IL3RA: variants seen among roughly 807,000 people sequenced by gnomAD.
IL3RA encodes the protein interleukin 3 receptor subunit alpha.
In IL3RA, 73 loss-of-function variants were observed where a neutral mutation model predicts 52.3. That is an observed-to-expected ratio of 1.40 (90% CI 1.16 to 1.70). The LOEUF (loss-of-function observed/expected upper bound fraction) is 1.70, where lower values mean the gene tolerates loss of function less well. Ranked by LOEUF, IL3RA falls within the 40% of genes most tolerant of loss-of-function variation. IL3RA has a pLI of 0.00. For synonymous variants in IL3RA, 260 were observed against 194.0 expected (o/e 1.34, Z -2.83); for missense variants, 664 against 504.4 (o/e 1.32, Z -3.03).
chrX:1,356,651 A>C (rs1418202683), intron 7 of IL3RA, among the ~76,000 whole-genome samples: 1 of 151,906 alleles, frequency 6.6e-6, no homozygotes, highest in African/African-American at 2.4e-5. Context: ...ACGGTCTTGT[A>C]GTTCCAGCTA....
chrX:1,344,703 G>A (rs2085651802), intron 2 of IL3RA, among the ~76,000 whole-genome samples: 3 of 150,828 alleles, frequency 2.0e-5, no homozygotes, highest in Non-Finnish European at 4.4e-5. Context: ...AACCCGGGAG[G>A]TAGAGGTTGC....
intron 10 of IL3RA, 146 bp downstream of exon 10, chrX:1,378,910 T>C: frequency 1.3e-6 from 1 of 764,582 alleles, no homozygotes; most frequent in Admixed American, 2.3e-5. Flanking sequence ...TGGCACGATC[T>C]GGGCTCACTG....
intron 2 of IL3RA, among the ~76,000 whole-genome samples, chrX:1,344,163 G>A (rs2085623292): frequency 2.0e-5 from 3 of 152,042 alleles, no homozygotes; most frequent in Non-Finnish European, 4.4e-5. Flanking sequence ...GCCAGGCTCA[G>A]TAACTCACGT....
At chrX:1,342,372 G>A (rs2085526222) in intron 2 of IL3RA, among the ~76,000 whole-genome samples, 1 of 151,816 alleles carries the variant, frequency 6.6e-6, no homozygotes, top group Non-Finnish European at 1.5e-5. Flanking sequence ...CACTATGTCG[G>A]TCAGGCTGGT....
chrX:1,345,317 T>C lies in IL3RA; in HGVS notation c.66T>C (p.Asp22=). The C allele has an allele frequency of 1.9e-6, 3 of 1,607,068 alleles. No homozygotes were observed. The highest frequency in any genetic ancestry group is 2.6e-6 in the Non-Finnish European group (3 of 1,175,872). Residue 22 remains aspartate (D), a splice_region_variant and synonymous_variant, in exon 3 of 12, where the codon GAT becomes GAC. Transcript: ENST00000331035. ...ALPCLLQTKE[D]PNPPITNLRM... Reference sequence around the variant, plus strand: ...AACTCCAACCTGTCACCGTTTTAGATCCAAACCCACCAATCACGAACCTAA... The same window carrying C: ...AACTCCAACCTGTCACCGTTTTAGACCCAAACCCACCAATCACGAACCTAA...
In IL3RA at chrX:1,341,774, C is replaced by T. The variant is rs768766086; in HGVS notation, c.9C>T (p.Leu3=). ...CCGGAGCTGCGTTCCCGATGGTCCT[C>T]CTTTGGCTCACGCTGCTCCTGATCG... MV[L]LWLTLLLIAL... The change falls in exon 2 of 12, where the codon CTC becomes CTT. Residue 3 remains leucine, a synonymous_variant. Coordinates refer to ENST00000331035, the MANE Select transcript of IL3RA (RefSeq NM_002183.4). 2 of 1,613,952 alleles carry T rather than the reference C, an allele frequency of 1.2e-6. No homozygotes were observed. Among genetic ancestry groups the T allele is most frequent in the Non-Finnish European group, 8.5e-7 (1 of 1,179,866 alleles).
intron 9 of IL3RA, 44 bp downstream of exon 9, chrX:1,365,296 GGGTGCGCGGGGT>G (rs1339772883): frequency 5.2e-6 from 7 of 1,356,350 alleles, no homozygotes; most frequent in Non-Finnish European, 7.2e-6. Context: ...GGGGTGAGCG[GGGTGCGCGGGGT>G]GAGCGGGGTG....
intron 8 of IL3RA, among the ~76,000 whole-genome samples, chrX:1,361,093 GTCTCTCTCTCCCTTCCCCTCTCTGTC>G (rs2087281748): frequency 4.3e-5 from 2 of 46,784 alleles, no homozygotes; most frequent in Non-Finnish European, 7.5e-5. Flanking sequence ...TCCCCTCTCT[GTCTCTCTCTCCCTTCCCCTCTCTGTC>G]TCTCTCTCCC....
At chrX:1,358,188 C>T in intron 7 of IL3RA, among the ~76,000 whole-genome samples, 1 of 152,104 alleles carries the variant, frequency 6.6e-6, no homozygotes, top group East Asian at 1.9e-4. Flanking sequence ...GCTGCAGCCA[C>T]AGGCAGAGTC....
intron 9 of IL3RA, among the ~76,000 whole-genome samples, chrX:1,377,813 A>G (rs2088886336): frequency 6.7e-6 from 1 of 148,590 alleles, no homozygotes; most frequent in African/African-American, 2.5e-5. Flanking sequence ...TGAATCCGGG[A>G]GGCAGAGGTT....
intron 9 of IL3RA, among the ~76,000 whole-genome samples, chrX:1,367,856 C>A (rs1182886726): frequency 6.6e-6 from 1 of 151,242 alleles, no homozygotes; most frequent in African/African-American, 2.4e-5. Flanking sequence ...CACGGAAACA[C>A]TCCTCTCCTG....
In IL3RA at chrX:1,365,253, G is replaced by C; in HGVS notation, c.874+1G>C. The stretch of plus-strand genomic sequence containing the variant: ...GCCTGGAGCACCCCCCAGCGCTTCG[G>C]TGAGTGGGCTGTGCGGGGTGCGCGG... On this transcript the variant is annotated splice_donor_variant, in intron 9 of 11. Coordinates refer to ENST00000331035, the MANE Select transcript of IL3RA (RefSeq NM_002183.4). LOFTEE classifies it high-confidence loss of function. The C allele has an allele frequency of 6.2e-7, 1 of 1,605,244 alleles. No individual in the cohort carries two copies. The highest frequency in any genetic ancestry group is 1.3e-5 in the African/African-American group (1 of 74,298).
chrX:1,366,431 A>C (rs868088484), intron 9 of IL3RA, among the ~76,000 whole-genome samples: 2 of 14,030 alleles, frequency 1.4e-4, no homozygotes, highest in East Asian at 2.0e-3. Flanking sequence ...GCGCGGGGTG[A>C]GCGGGGTGCG....
In IL3RA at chrX:1,379,419, G is replaced by C. The variant is rs56934041; in HGVS notation, c.980+655G>C. On this transcript the variant is annotated intron_variant, in intron 10 of 11. Transcript: ENST00000331035. ...GATCCCCCAGCCTCGGCCTCCCAAAGTGCTGGGATTACAGGCGTGAGCCAC... is the reference window on the plus strand; with the variant it reads ...GATCCCCCAGCCTCGGCCTCCCAAACTGCTGGGATTACAGGCGTGAGCCAC... Among the ~76,000 whole-genome samples, 1,272 of 152,268 alleles carry C rather than the reference G, an allele frequency of 8.4e-3. 14 individuals carry two copies. The highest frequency in any genetic ancestry group is 0.029 in the African/African-American group (1,186 of 41,536).
At chrX:1,338,743 G>A (rs765434789) in intron 1 of IL3RA, among the ~76,000 whole-genome samples, 11 of 152,230 alleles carry the variant, frequency 7.2e-5, no homozygotes, top group African/African-American at 2.6e-4. Flanking sequence ...GAGGAAGGAC[G>A]GGTCTTTAAT....
intron 9 of IL3RA, among the ~76,000 whole-genome samples, chrX:1,367,296 G>C (rs1603448499): frequency 5.4e-5 from 1 of 18,646 alleles, no homozygotes; most frequent in East Asian, 1.3e-3. Context: ...CGGGGTGCGC[G>C]GGGTGCGCGG....
chrX:1,340,273 G>T (rs1282628070), intron 1 of IL3RA, among the ~76,000 whole-genome samples: 1 of 151,916 alleles, frequency 6.6e-6, no homozygotes, highest in African/African-American at 2.4e-5. Flanking sequence ...ACTCCACCAC[G>T]CCTGGCTAAT....
In IL3RA at chrX:1,365,253, G is replaced by A. The variant is rs2087838448; in HGVS notation, c.874+1G>A. 2 of 1,605,142 alleles carry A rather than the reference G, an allele frequency of 1.2e-6. No individual in the cohort carries two copies. The highest frequency in any genetic ancestry group is 1.7e-6 in the Non-Finnish European group (2 of 1,174,680). On this transcript the variant is annotated splice_donor_variant, in intron 9 of 11. Coordinates refer to ENST00000331035, the MANE Select transcript of IL3RA (RefSeq NM_002183.4). LOFTEE classifies it high-confidence loss of function. ...GCCTGGAGCACCCCCCAGCGCTTCG[G>A]TGAGTGGGCTGTGCGGGGTGCGCGG...
chrX:1,359,481 C>T (rs1263560602), intron 8 of IL3RA, among the ~76,000 whole-genome samples: 1 of 150,784 alleles, frequency 6.6e-6, no homozygotes, highest in South Asian at 2.1e-4. Flanking sequence ...CCCTCTCTTT[C>T]TCTCTCTCTC....
Sources: gnomAD v4.1 joint callset for allele counts (sites outside exome capture counted in the v4.1 genomes callset) on GRCh38, gnomAD v4.1.1 for gene constraint, MANE v1.5 for transcripts, NCBI Gene and HGNC (gene_info 2026-07-23, HGNC 2026-07-21) for gene names.